ADAM28: variants seen among roughly 807,000 people sequenced by gnomAD.
ADAM28 encodes the protein disintegrin and metalloproteinase domain-containing protein 28.
ADAM28 carries 105 observed loss-of-function variants against 101.2 expected under a neutral mutation model. The observed-to-expected ratio is 1.04, with a 90% CI of 0.89 to 1.22. ADAM28 has a LOEUF of 1.22. Ranked by LOEUF, ADAM28 falls within the 50% of genes most tolerant of loss-of-function variation. ADAM28 has a pLI of 0.00. For synonymous variants in ADAM28, 322 were observed against 310.6 expected (o/e 1.04, Z -0.39); for missense variants, 1,028 against 945.4 (o/e 1.09, Z -1.15).
chr8:24,331,530 G>C (rs193177885), intron 12 of ADAM28, among the ~76,000 whole-genome samples: 7 of 152,198 alleles, frequency 4.6e-5, no homozygotes, highest in African/African-American at 1.7e-4. Context: ...TCTCCCCCAG[G>C]TTTCCAACCT....
chr8:24,307,219 AT>A (rs1016049742), intron 2 of ADAM28, among the ~76,000 whole-genome samples: 9 of 152,320 alleles, frequency 5.9e-5, no homozygotes, highest in African/African-American at 1.7e-4. Flanking sequence ...ATCTCTGTAT[AT>A]CCCATGAAAG....
At chr8:24,300,305 T>G (rs1308100936) in intron 2 of ADAM28, among the ~76,000 whole-genome samples, 1 of 152,226 alleles carries the variant, frequency 6.6e-6, no homozygotes, top group Non-Finnish European at 1.5e-5. Context: ...TTTTGACCTT[T>G]TAAAAAATCT....
chr8:24,308,167 G>A (rs1809953556), intron 2 of ADAM28, among the ~76,000 whole-genome samples: 1 of 152,128 alleles, frequency 6.6e-6, no homozygotes, highest in African/African-American at 2.4e-5. Flanking sequence ...TTTCCTTATA[G>A]TGAGTGCTCT....
intron 2 of ADAM28, among the ~76,000 whole-genome samples, chr8:24,304,159 A>C (rs946994947): frequency 1.1e-4 from 17 of 151,066 alleles, no homozygotes; most frequent in African/African-American, 3.9e-4. Flanking sequence ...GACTGTAAAA[A>C]ATAAATTTGA....
rs749204973 is a variant in ADAM28 at position 24,330,075 on chromosome 8, A to G, written c.1063A>G (p.Lys355Glu). 6.2e-7 allele frequency: 1 copy of G among 1,613,704 alleles called. No individual in the cohort carries two copies. Among genetic ancestry groups the G allele is most frequent in the Middle Eastern group, 1.7e-4 (1 of 6,056 alleles). Reference sequence around the variant, plus strand: ...AATGTTTCATGACGACTATTCTTGCAAGTGTCCTTCTACAATATGTGTGAT... The same window carrying G: ...AATGTTTCATGACGACTATTCTTGCGAGTGTCCTTCTACAATATGTGTGAT... ...FGMFHDDYSC[K>E]CPSTICVMDK... The change falls in exon 11 of 23, where the codon AAG (lysine) becomes GAG (glutamate). Residue 355 changes from lysine (K) to glutamate (E), a missense_variant. Coordinates refer to ENST00000265769, the MANE Select transcript of ADAM28 (RefSeq NM_014265.6).
At position 24,330,116 on chromosome 8, in the gene ADAM28, G is replaced by T. The variant is rs546070570; in HGVS notation, c.1103+1G>T. 2 of 1,612,538 alleles carry T rather than the reference G, an allele frequency of 1.2e-6. No individual in the cohort carries two copies. Among genetic ancestry groups the T allele is most frequent in the Admixed American group, 1.7e-5 (1 of 59,894 alleles). ...TATGTGTGATGGACAAAGCACTGAG[G>T]TGAGGCTCTCTGGGCCCTGGGGACA... On this transcript the variant is annotated splice_donor_variant, in intron 11 of 22. Coordinates refer to ENST00000265769, the MANE Select transcript of ADAM28 (RefSeq NM_014265.6). LOFTEE classifies it high-confidence loss of function.
At chr8:24,306,359 A>AATATAT (rs1194372727) in intron 2 of ADAM28, among the ~76,000 whole-genome samples, 1 of 105,920 alleles carries the variant, frequency 9.4e-6, no homozygotes, top group African/African-American at 4.1e-5. Flanking sequence ...CAAATAAATA[A>AATATAT]ATAAATATAT....
intron 9 of ADAM28, among the ~76,000 whole-genome samples, chr8:24,324,457 G>A (rs1462097641): frequency 2.0e-5 from 3 of 151,928 alleles, no homozygotes; most frequent in Non-Finnish European, 2.9e-5. Context: ...TATGAGACTG[G>A]AGCATGTGCC....
rs753683548 is a variant in ADAM28 at position 24,306,361 on chromosome 8, TAAATATATATATATATATATATATTTAA to T, written c.151-3516_151-3489del. 1.8e-4 allele frequency among the ~76,000 whole-genome samples: 21 copies of T among 115,390 alleles called. 1 individual carries two copies. Among genetic ancestry groups the T allele is most frequent in the East Asian group, 9.1e-4 (3 of 3,310 alleles). The allele number at this position is 115,390 out of a possible 152,430, so 75.7% of individuals were successfully genotyped here. ...TCCATCTCAAATACAAATAAATAAA[TAAATATATATATATATATATATATTTAA>T]AAATATATATATATATGTTCCACAC... On this transcript the variant is annotated intron_variant, in intron 2 of 22. Coordinates refer to ENST00000265769, the MANE Select transcript of ADAM28 (RefSeq NM_014265.6).
chr8:24,310,816 G>A (rs183022783), intron 4 of ADAM28, among the ~76,000 whole-genome samples: 75 of 152,128 alleles, frequency 4.9e-4, no homozygotes, highest in Middle Eastern at 3.4e-3. Context: ...CATCTGTCCC[G>A]AACTAGAAAG....
At chr8:24,323,561 T>C (rs1812154349) in intron 8 of ADAM28, among the ~76,000 whole-genome samples, 1 of 151,928 alleles carries the variant, frequency 6.6e-6, no homozygotes, top group Non-Finnish European at 1.5e-5. Flanking sequence ...AACAGGAATA[T>C]GTTGTCTTAA....
intron 15 of ADAM28, among the ~76,000 whole-genome samples, chr8:24,340,207 C>G (rs1814598076): frequency 6.6e-6 from 1 of 152,088 alleles, no homozygotes; most frequent in South Asian, 2.1e-4. Context: ...CTCTTTGTAC[C>G]TGCTCTAAAT....
intron 7 of ADAM28, 103 bp downstream of exon 7, chr8:24,320,410 G>T: frequency 1.3e-6 from 1 of 788,980 alleles, no homozygotes. Context: ...AAAGAATCAT[G>T]AATATGAGCT....
chr8:24,352,291 T>C (rs982813291), intron 21 of ADAM28, among the ~76,000 whole-genome samples: 9 of 152,244 alleles, frequency 5.9e-5, no homozygotes, highest in African/African-American at 1.9e-4. Flanking sequence ...AGAGTACCAC[T>C]GTTTTCATCA....
At chr8:24,349,047 A>G (rs1815752228) in intron 18 of ADAM28, among the ~76,000 whole-genome samples, 1 of 152,170 alleles carries the variant, frequency 6.6e-6, no homozygotes, top group Non-Finnish European at 1.5e-5. Context: ...CTTACCTAGA[A>G]TTCTGCTTCT....
chr8:24,311,588 G>A lies in ADAM28; in HGVS notation c.383+151G>A, dbSNP rs187812031. Reference sequence around the variant, plus strand: ...ACATTTTGAAATTTGAAGAAACACCGCTTCTCTTGATAGTGGCTTGTAAAT... The same window carrying A: ...ACATTTTGAAATTTGAAGAAACACCACTTCTCTTGATAGTGGCTTGTAAAT... On this transcript the variant is annotated intron_variant, in intron 5 of 22. Transcript: ENST00000265769. 165 of 503,196 alleles carry A rather than the reference G, an allele frequency of 3.3e-4. 1 individual carries two copies. The Middle Eastern group carries it at 7.1e-3, about 22-fold the overall frequency. 31.2% of individuals were successfully genotyped at this position (503,196 alleles called of 1,614,324 possible). A position where few individuals can be genotyped will look rare whatever the true frequency, so the allele number is the denominator to read the frequency against.
intron 18 of ADAM28, among the ~76,000 whole-genome samples, chr8:24,347,396 T>C (rs1815528368): frequency 6.6e-6 from 1 of 152,102 alleles, no homozygotes; most frequent in Non-Finnish European, 1.5e-5. Flanking sequence ...GTTATGCTAG[T>C]CGCATAAAGT....
Position 24,336,411 on chromosome 8 carries a change from G to A in ADAM28, c.1567+770G>A, listed in dbSNP as rs190561292. Among the ~76,000 whole-genome samples the A allele has an allele frequency of 3.3e-5, 5 of 151,056 alleles. No homozygotes were observed. In the East Asian group the frequency reaches 7.8e-4, roughly 24 times the overall value. ...ATCCTGGCTAACACGGTGAAACCCC[G>A]TCTCTACTAAAAATACAAAAAATTA... On this transcript the variant is annotated intron_variant, in intron 14 of 22. Transcript: ENST00000265769.
intron 16 of ADAM28, among the ~76,000 whole-genome samples, chr8:24,342,656 T>C (rs1814918485): frequency 6.6e-6 from 1 of 152,128 alleles, no homozygotes; most frequent in Non-Finnish European, 1.5e-5. Context: ...TTTTACTAAT[T>C]TCCTTGTATT....
Sources: allele counts gnomAD v4.1 joint callset (sites outside exome capture counted in the v4.1 genomes callset), GRCh38; gene constraint gnomAD v4.1.1; transcripts MANE v1.5; gene names NCBI Gene and HGNC (gene_info 2026-07-23, HGNC 2026-07-21).